ARHGAP22: variants seen among roughly 807,000 people sequenced by gnomAD.
The protein encoded by ARHGAP22 is Rho GTPase activating protein 22.
Under a neutral mutation model 59.1 loss-of-function variants are expected in ARHGAP22, and 48 were observed. The ratio of observed to expected loss-of-function variants is 0.81; its 90% CI spans 0.64 to 1.03. The LOEUF (loss-of-function observed/expected upper bound fraction) is 1.03. ARHGAP22 is among the 50% of genes least tolerant of loss of function. The pLI is 0.00. For synonymous variants in ARHGAP22, 445 were observed against 416.4 expected (o/e 1.07, Z -0.84); for missense variants, 1,015 against 958.7 (o/e 1.06, Z -0.78).
intron 1 of ARHGAP22, among the ~76,000 whole-genome samples, chr10:48,628,448 T>A (rs963576202): frequency 6.6e-6 from 1 of 152,180 alleles, no homozygotes; most frequent in Non-Finnish European, 1.5e-5. Context: ...GTCTGCTGGG[T>A]TGAGTAACAC....
the ARHGAP22 span, chr10:48,439,156 C>T: frequency 6.6e-6 from 1 of 151,778 alleles, no homozygotes; most frequent in East Asian, 1.9e-4. Flanking sequence ...CTCTCCTTCC[C>T]TGTGTTCCGT....
At chr10:48,517,110 A>G (rs779093525) in intron 3 of ARHGAP22, among the ~76,000 whole-genome samples, 43 of 152,210 alleles carry the variant, frequency 2.8e-4, no homozygotes, top group Non-Finnish European at 5.6e-4. Context: ...ATGACTACCA[A>G]CAGGCATGGG....
At chr10:48,598,392 G>A (rs934802286) in intron 1 of ARHGAP22, among the ~76,000 whole-genome samples, 11 of 152,124 alleles carry the variant, frequency 7.2e-5, no homozygotes, top group African/African-American at 2.4e-4. Context: ...TCAGCTTGTG[G>A]TGCTGAAACA....
At chr10:48,604,619 C>T in intron 1 of ARHGAP22, 144 bp downstream of exon 1, 2 of 1,347,722 alleles carry the variant, frequency 1.5e-6, no homozygotes, top group Non-Finnish European at 1.0e-6. Flanking sequence ...GGCACTTCCT[C>T]AGGAGGATGC....
intron 3 of ARHGAP22, among the ~76,000 whole-genome samples, chr10:48,545,244 G>C (rs542805216): frequency 6.6e-6 from 1 of 152,340 alleles, no homozygotes; most frequent in South Asian, 2.1e-4. Flanking sequence ...AACATGGCTT[G>C]CATTACATCT....
intron 1 of ARHGAP22, among the ~76,000 whole-genome samples, chr10:48,629,848 A>G (rs946887236): frequency 4.6e-5 from 7 of 152,148 alleles, no homozygotes; most frequent in African/African-American, 9.7e-5. Context: ...ACAGCTCTCC[A>G]TTTATTTCAA....
intron 4 of ARHGAP22, among the ~76,000 whole-genome samples, chr10:48,468,198 GAC>G (rs1180506072): frequency 2.6e-5 from 4 of 152,166 alleles, no homozygotes; most frequent in Non-Finnish European, 5.9e-5. Flanking sequence ...GTTTGCATTT[GAC>G]CATGGATGTG....
At chr10:48,544,457 A>G (rs1735023639) in intron 3 of ARHGAP22, among the ~76,000 whole-genome samples, 1 of 147,932 alleles carries the variant, frequency 6.8e-6, no homozygotes, top group Non-Finnish European at 1.5e-5. Context: ...CACCTGTTCT[A>G]TGCTGGTGTT....
At chr10:48,606,855 T>A (rs2060698450), upstream of ARHGAP22, among the ~76,000 whole-genome samples, 1 of 152,118 alleles carries the variant, frequency 6.6e-6, no homozygotes, top group Non-Finnish European at 1.5e-5. Flanking sequence ...GTACTGCCCC[T>A]CTTGTACGCC....
At chr10:48,594,710 A>G (rs1342149429) in intron 1 of ARHGAP22, among the ~76,000 whole-genome samples, 3 of 152,086 alleles carry the variant, frequency 2.0e-5, no homozygotes, top group Non-Finnish European at 2.9e-5. Context: ...AGGAGTTTAT[A>G]TCATCCACCC....
At chr10:48,652,083 A>C in intron 1 of ARHGAP22, 1 of 685,294 alleles carries the variant, frequency 1.5e-6, no homozygotes, top group South Asian at 1.8e-5. Flanking sequence ...AGCCATTTCC[A>C]GGAGCTGAAG....
At chr10:48,652,589 C>G (rs2062609933) in exon 1 of ARHGAP22, 1 of 412,616 alleles carries the variant, frequency 2.4e-6, no homozygotes, top group African/African-American at 2.0e-5. Context: ...TAGTGACAAC[C>G]ACTTCACAGA....
At chr10:48,483,190 G>A (rs2049500060) in intron 3 of ARHGAP22, among the ~76,000 whole-genome samples, 1 of 152,082 alleles carries the variant, frequency 6.6e-6, no homozygotes, top group African/African-American at 2.4e-5. Flanking sequence ...TGGACACGTA[G>A]GTTGATTCCA....
At chr10:48,615,095 G>C (rs900761155) in intron 1 of ARHGAP22, among the ~76,000 whole-genome samples, 2 of 152,220 alleles carry the variant, frequency 1.3e-5, no homozygotes, top group African/African-American at 4.8e-5. Context: ...ACTTTGAAAA[G>C]CTGTAACATA....
chr10:48,612,830 ATGG>A (rs1179708950), intron 1 of ARHGAP22, among the ~76,000 whole-genome samples: 1 of 152,152 alleles, frequency 6.6e-6, no homozygotes, highest in African/African-American at 2.4e-5. Context: ...ATTGGCACAG[ATGG>A]TGCAGTCCCC....
intron 1 of ARHGAP22, among the ~76,000 whole-genome samples, chr10:48,591,541 G>C (rs1010856642): frequency 6.6e-6 from 1 of 152,184 alleles, no homozygotes; most frequent in African/African-American, 2.4e-5. Context: ...ACAGCCATAA[G>C]ATACCGCACT....
chr10:48,596,951 C>T (rs1416579311), intron 1 of ARHGAP22, among the ~76,000 whole-genome samples: 1 of 152,188 alleles, frequency 6.6e-6, no homozygotes, highest in Non-Finnish European at 1.5e-5. Flanking sequence ...GCCACACCTC[C>T]ACCCCTGTAT....
At chr10:48,545,434 T>C (rs1047878026) in intron 3 of ARHGAP22, among the ~76,000 whole-genome samples, 1 of 152,122 alleles carries the variant, frequency 6.6e-6, no homozygotes, top group Non-Finnish European at 1.5e-5. Flanking sequence ...GCCACTCCCA[T>C]CTCAGGGGTG....
At chr10:48,616,821 G>A (rs775013626) in intron 1 of ARHGAP22, among the ~76,000 whole-genome samples, 3 of 152,012 alleles carry the variant, frequency 2.0e-5, no homozygotes, top group African/African-American at 7.2e-5. Context: ...TAACCTACAA[G>A]ATCTATTAAA....
Sources: gnomAD v4.1 joint callset for allele counts (sites outside exome capture counted in the v4.1 genomes callset) on GRCh38, gnomAD v4.1.1 for gene constraint, MANE v1.5 for transcripts, NCBI Gene and HGNC (gene_info 2026-07-23, HGNC 2026-07-21) for gene names.